RHOA: variants seen among roughly 807,000 people sequenced by gnomAD.
The protein encoded by RHOA is ras homolog family member A, also known as transforming protein RhoA.
In RHOA, 3 loss-of-function variants were observed where a neutral mutation model predicts 17.5. The ratio of observed to expected loss-of-function variants is 0.17; its 90% CI spans 0.08 to 0.44. The LOEUF (loss-of-function observed/expected upper bound fraction) is 0.44. RHOA is among the 20% of genes least tolerant of loss of function. The pLI, the probability that RHOA is intolerant of heterozygous loss-of-function variation, is 0.99. For synonymous variants in RHOA, 98 were observed against 88.4 expected (o/e 1.11, Z -0.61); for missense variants, 56 against 242.3 (o/e 0.23, Z 5.10).
intron 1 of RHOA, among the ~76,000 whole-genome samples, chr3:49,377,792 T>G (rs1296761376): frequency 1.3e-5 from 2 of 151,048 alleles, no homozygotes; most frequent in Non-Finnish European, 3.0e-5. Context: ...ATGACTCAAC[T>G]ACAAAAAAGC....
At chr3:49,402,761 G>C (rs946563968) in intron 1 of RHOA, among the ~76,000 whole-genome samples, 3 of 152,126 alleles carry the variant, frequency 2.0e-5, no homozygotes, top group African/African-American at 4.8e-5. Flanking sequence ...CTTTAGGCCA[G>C]GAGCAGTGGC....
chr3:49,382,232 T>G (rs2048329813), intron 1 of RHOA, among the ~76,000 whole-genome samples: 1 of 151,958 alleles, frequency 6.6e-6, no homozygotes, highest in Non-Finnish European at 1.5e-5. Context: ...GGCATGAGAA[T>G]GGGGTGAACC....
rs185426590 is a variant in RHOA at position 49,363,712 on chromosome 3, C to T, written c.278-1086G>A. Among the ~76,000 whole-genome samples the T allele has an allele frequency of 4.1e-3, 623 of 151,076 alleles. 4 individuals carry two copies. Among genetic ancestry groups the T allele is most frequent in the Middle Eastern group, 0.021 (6 of 288 alleles). ...ACTAAAATTACTAAAATTAGCCGGG[C>T]GCAGTGGTGTGCACCTATAGTCCCA... On this transcript the variant is annotated intron_variant, in intron 3 of 4. Coordinates refer to ENST00000418115, the MANE Select transcript of RHOA (RefSeq NM_001664.4).
At position 49,383,511 on chromosome 3, in the gene RHOA, G is replaced by T. The variant is rs527899468; in HGVS notation, c.-2-7920C>A. Among the ~76,000 whole-genome samples the T allele has an allele frequency of 6.6e-5, 10 of 152,150 alleles. No homozygotes were observed. The East Asian group carries it at 1.7e-3, about 26-fold the overall frequency. ...GTATTGACTTAAATCTTCTGTTATG[G>T]TTTGAAAAGTTTCCTTATAGATGGG... On this transcript the variant is annotated intron_variant, in intron 1 of 4. Coordinates refer to ENST00000418115, the MANE Select transcript of RHOA (RefSeq NM_001664.4).
At chr3:49,411,500 T>C (rs761823736) in intron 1 of RHOA, among the ~76,000 whole-genome samples, 4 of 152,110 alleles carry the variant, frequency 2.6e-5, no homozygotes, top group Admixed American at 6.5e-5. Context: ...GCCCCCGCCC[T>C]GCCCGGCGCC....
intron 1 of RHOA, among the ~76,000 whole-genome samples, chr3:49,389,170 C>T (rs2048453605): frequency 6.6e-6 from 1 of 151,614 alleles, no homozygotes; most frequent in Admixed American, 6.6e-5. Context: ...GGTGAAACCC[C>T]ATCTCTACAA....
chr3:49,407,626 G>T (rs997738927), intron 1 of RHOA, among the ~76,000 whole-genome samples: 1 of 149,094 alleles, frequency 6.7e-6, no homozygotes, highest in Non-Finnish European at 1.5e-5. Context: ...AGTGATTCTA[G>T]TTTTTTTTTT....
At chr3:49,398,839 C>CAAAAAAAAAAAAA (rs71080506) in intron 1 of RHOA, among the ~76,000 whole-genome samples, 1 of 35,662 alleles carries the variant, frequency 2.8e-5, no homozygotes, top group African/African-American at 1.4e-4. Flanking sequence ...GACTCCGTCT[C>CAAAAAAAAAAAAA]AAAAAAAAAA....
At chr3:49,396,905 G>A (rs1323376886) in intron 1 of RHOA, among the ~76,000 whole-genome samples, 2 of 152,064 alleles carry the variant, frequency 1.3e-5, no homozygotes, top group Non-Finnish European at 2.9e-5. Flanking sequence ...TGAGGTGGGA[G>A]GATCACTTGA....
At chr3:49,398,314 C>T (rs1331081053) in intron 1 of RHOA, among the ~76,000 whole-genome samples, 4 of 151,814 alleles carry the variant, frequency 2.6e-5, no homozygotes, top group Non-Finnish European at 5.9e-5. Context: ...GATCGCACCA[C>T]TGCACTCCAC....
Position 49,360,153 on chromosome 3 carries a change from A to T in RHOA, c.*56T>A. The T allele has an allele frequency of 6.6e-7, 1 of 1,521,208 alleles. No homozygotes were observed. The highest frequency in any genetic ancestry group is 2.3e-5 in the East Asian group (1 of 43,956). The allele number at this position is 1,521,208 out of a possible 1,614,324, so 94.2% of individuals were successfully genotyped here. On this transcript the variant is annotated 3_prime_UTR_variant, in exon 5 of 5. Transcript: ENST00000418115. ...AAAAGGCCAGTAATCATACACTAAG[A>T]TTAATAAACAGCACTTCAAAATTAA... is the stretch of plus-strand genomic sequence containing the variant.
At chr3:49,399,038 G>C (rs1204159008) in intron 1 of RHOA, among the ~76,000 whole-genome samples, 2 of 90,850 alleles carry the variant, frequency 2.2e-5, no homozygotes, top group Non-Finnish European at 4.0e-5. Context: ...CTGCGTGACA[G>C]AGCAAGACTC....
chr3:49,383,597 G>A (rs1418882911), intron 1 of RHOA, among the ~76,000 whole-genome samples: 1 of 152,004 alleles, frequency 6.6e-6, no homozygotes, highest in Non-Finnish European at 1.5e-5. Context: ...TGCACTTTCA[G>A]CCTGCACTCC....
intron 1 of RHOA, among the ~76,000 whole-genome samples, chr3:49,405,257 C>CAAAAAA (rs56912055): frequency 9.1e-6 from 1 of 110,020 alleles, no homozygotes; most frequent in African/African-American, 4.1e-5. Context: ...GACTGTGTCT[C>CAAAAAA]AAAAAAAAAA....
At chr3:49,363,262 C>G (rs960649864) in intron 3 of RHOA, among the ~76,000 whole-genome samples, 1 of 151,468 alleles carries the variant, frequency 6.6e-6, no homozygotes, top group Non-Finnish European at 1.5e-5. Flanking sequence ...ACTAAAAATA[C>G]AAAAAAAATT....
intron 1 of RHOA, among the ~76,000 whole-genome samples, chr3:49,379,889 C>T (rs1365522714): frequency 6.6e-6 from 1 of 152,202 alleles, no homozygotes; most frequent in Admixed American, 6.5e-5. Context: ...AAAGCTGTTA[C>T]CACCACTCTC....
At chr3:49,363,985 T>C (rs1423510680) in intron 3 of RHOA, among the ~76,000 whole-genome samples, 1 of 151,806 alleles carries the variant, frequency 6.6e-6, no homozygotes. Flanking sequence ...GGATTCAAGG[T>C]AGCAGTGAGC....
chr3:49,391,823 C>CTTTTTTT (rs59591685), intron 1 of RHOA, among the ~76,000 whole-genome samples: 1 of 99,672 alleles, frequency 1.0e-5, no homozygotes, highest in Admixed American at 1.1e-4. Context: ...ATTAATTTAT[C>CTTTTTTT]TTTTTTTTTT....
intron 1 of RHOA, among the ~76,000 whole-genome samples, chr3:49,398,211 T>A (rs1410749746): frequency 6.6e-6 from 1 of 151,554 alleles, no homozygotes; most frequent in Non-Finnish European, 1.5e-5. Flanking sequence ...AGTAGCCAAG[T>A]GTGGTGGCGC....
Sources: gnomAD v4.1 joint callset for allele counts (sites outside exome capture counted in the v4.1 genomes callset) on GRCh38, gnomAD v4.1.1 for gene constraint, MANE v1.5 for transcripts, NCBI Gene and HGNC (gene_info 2026-07-23, HGNC 2026-07-21) for gene names.